RPS6KC1: variants seen among roughly 807,000 people sequenced by gnomAD.
The protein encoded by RPS6KC1 is ribosomal protein S6 kinase C1, also known as inactive ribosomal protein S6 kinase delta-1.
A neutral mutation model predicts 103.8 loss-of-function variants in RPS6KC1; 54 were observed. That is an observed-to-expected ratio of 0.52 (90% CI 0.42 to 0.65). RPS6KC1 has a LOEUF of 0.65. Among genes scored for constraint, RPS6KC1 ranks in the 30% least tolerant of loss-of-function variants. RPS6KC1 has a pLI of 0.00. For missense variants in RPS6KC1, 1,151 were observed against 1,253.8 expected (o/e 0.92, Z 1.24); for synonymous variants, 439 against 438.7 (o/e 1.00, Z -0.01).
At chr1:213,081,312 G>A (rs2079858431) in intron 3 of RPS6KC1, among the ~76,000 whole-genome samples, 1 of 152,176 alleles carries the variant, frequency 6.6e-6, no homozygotes, top group Non-Finnish European at 1.5e-5. Context: ...CATGGCAGAA[G>A]GGGAATGAGA....
chr1:213,736,246 C>T, the RPS6KC1 span, among the ~76,000 whole-genome samples: 6 of 152,190 alleles, frequency 3.9e-5, no homozygotes, highest in Admixed American at 2.6e-4. Flanking sequence ...TTAACAGGGT[C>T]CTCTAGTCAG....
rs578116578 is a variant in RPS6KC1 at position 213,267,531 on chromosome 1, A to G, written c.3090+4715A>G. 3.3e-5 allele frequency among the ~76,000 whole-genome samples: 5 copies of G among 152,170 alleles called. No homozygotes were observed. The East Asian group carries it at 9.6e-4, about 29-fold the overall frequency. On this transcript the variant is annotated intron_variant, in intron 14 of 14. Transcript: ENST00000366960. ...AGACATACACAAAAACAAAAAAAGTATGTCCCATATTCAGAAAAAAAATCA... is the reference window on the plus strand; with the variant it reads ...AGACATACACAAAAACAAAAAAAGTGTGTCCCATATTCAGAAAAAAAATCA...
the RPS6KC1 span, among the ~76,000 whole-genome samples, chr1:213,844,199 C>A: frequency 6.6e-6 from 1 of 152,148 alleles, no homozygotes; most frequent in African/African-American, 2.4e-5. Context: ...AAAACTCTAG[C>A]TAGGGTTTTT....
chr1:213,748,397 A>G, the RPS6KC1 span, among the ~76,000 whole-genome samples: 1 of 152,232 alleles, frequency 6.6e-6, no homozygotes, highest in Admixed American at 6.5e-5. Flanking sequence ...TCTACTGGAC[A>G]TTATCAAAAA....
intron 5 of RPS6KC1, among the ~76,000 whole-genome samples, chr1:213,125,088 A>G (rs528378576): frequency 6.6e-6 from 1 of 152,168 alleles, no homozygotes; most frequent in East Asian, 1.9e-4. Context: ...ATCTCTTTTG[A>G]TATCTTTCAG....
At chr1:213,286,677 C>T in the RPS6KC1 span, among the ~76,000 whole-genome samples, 1 of 152,184 alleles carries the variant, frequency 6.6e-6, no homozygotes, top group Non-Finnish European at 1.5e-5. Context: ...ACTATTCCAG[C>T]TACAGAATGA....
the RPS6KC1 span, among the ~76,000 whole-genome samples, chr1:213,673,650 T>A: frequency 3.4e-5 from 5 of 148,472 alleles, no homozygotes; most frequent in Non-Finnish European, 5.9e-5. Flanking sequence ...AAGTACTTTT[T>A]AGTACTAAGG....
the RPS6KC1 span, among the ~76,000 whole-genome samples, chr1:213,705,466 T>C: frequency 6.6e-6 from 1 of 152,172 alleles, no homozygotes; most frequent in Non-Finnish European, 1.5e-5. Flanking sequence ...CTAAGGTCTC[T>C]TCAGTCAGCT....
the RPS6KC1 span, among the ~76,000 whole-genome samples, chr1:213,851,996 T>A: frequency 6.6e-6 from 1 of 152,190 alleles, no homozygotes; most frequent in African/African-American, 2.4e-5. Context: ...AATGTTTTTC[T>A]CTTTTATGCA....
chr1:213,405,764 T>C, the RPS6KC1 span, among the ~76,000 whole-genome samples: 1 of 152,230 alleles, frequency 6.6e-6, no homozygotes, highest in Admixed American at 6.5e-5. Context: ...GTCTGGGCTC[T>C]TTCTGCCCAT....
At chr1:213,438,792 C>CTTTTTT in the RPS6KC1 span, among the ~76,000 whole-genome samples, 3 of 129,730 alleles carry the variant, frequency 2.3e-5, 1 homozygote, top group Non-Finnish European at 5.0e-5. Flanking sequence ...ATCTTGGTTT[C>CTTTTTT]TTTTTTTTTT....
chr1:213,793,870 T>TTG, the RPS6KC1 span, among the ~76,000 whole-genome samples: 5 of 152,106 alleles, frequency 3.3e-5, no homozygotes, highest in Admixed American at 1.3e-4. Flanking sequence ...AAGGGTTTTT[T>TTG]TGTGTGTGTG....
chr1:213,244,166 A>G (rs576877469), intron 12 of RPS6KC1, among the ~76,000 whole-genome samples: 30 of 151,854 alleles, frequency 2.0e-4, no homozygotes, highest in African/African-American at 6.8e-4. Flanking sequence ...AAAAAATTGC[A>G]TGTTGAATTC....
At chr1:213,685,871 T>C in the RPS6KC1 span, among the ~76,000 whole-genome samples, 1 of 152,212 alleles carries the variant, frequency 6.6e-6, no homozygotes, top group African/African-American at 2.4e-5. Flanking sequence ...TGCCATACAT[T>C]GCTTAAATCT....
chr1:213,226,238 GTC>G (rs1221456772), intron 8 of RPS6KC1, among the ~76,000 whole-genome samples: 1 of 138,092 alleles, frequency 7.2e-6, no homozygotes, highest in African/African-American at 2.5e-5. Flanking sequence ...AAAAAAAAAA[GTC>G]ACACCTCATG....
chr1:213,598,440 T>A, the RPS6KC1 span, among the ~76,000 whole-genome samples: 1 of 152,166 alleles, frequency 6.6e-6, no homozygotes, highest in Non-Finnish European at 1.5e-5. Flanking sequence ...CTATGTGACC[T>A]GGGAAAAGTT....
chr1:213,549,131 A>C, the RPS6KC1 span, among the ~76,000 whole-genome samples: 4 of 152,096 alleles, frequency 2.6e-5, no homozygotes, highest in African/African-American at 9.7e-5. Flanking sequence ...GTGCCTCCTG[A>C]GTTTATGATT....
chr1:213,660,565 G>T, the RPS6KC1 span, among the ~76,000 whole-genome samples: 1 of 152,198 alleles, frequency 6.6e-6, no homozygotes, highest in Admixed American at 6.5e-5. Flanking sequence ...CATTGTGGAA[G>T]ATTCTAGGTA....
chr1:213,176,036 A>G (rs915412488), intron 7 of RPS6KC1, among the ~76,000 whole-genome samples: 1 of 152,168 alleles, frequency 6.6e-6, no homozygotes, highest in Non-Finnish European at 1.5e-5. Context: ...TCTGGGTTAA[A>G]TATAAGACTG....
Sources: allele counts gnomAD v4.1 joint callset (sites outside exome capture counted in the v4.1 genomes callset), GRCh38; gene constraint gnomAD v4.1.1; transcripts MANE v1.5; gene names NCBI Gene and HGNC (gene_info 2026-07-23, HGNC 2026-07-21).